Variants in PDCD7 observed in about 807,000 individuals in gnomAD.
PDCD7 encodes programmed cell death protein 7.
A neutral mutation model predicts 42.1 loss-of-function variants in PDCD7; 40 were observed. The observed-to-expected ratio is 0.95, with a 90% CI of 0.74 to 1.24. PDCD7 has a LOEUF of 1.24. Among genes scored for constraint, PDCD7 ranks in the 50% most tolerant of loss-of-function variants. The pLI, the probability that PDCD7 is intolerant of heterozygous loss-of-function variation, is 0.00. For missense variants in PDCD7, 644 were observed against 662.8 expected, an observed-to-expected ratio of 0.97 and a Z score of 0.31; for synonymous variants, 299 against 303.3, an observed-to-expected ratio of 0.99 and a Z score of 0.15.
In PDCD7 at chr15:65,118,750, G is replaced by A. The variant is rs200653717; in HGVS notation, c.1425C>T (p.Asn475=). 58 of 1,609,644 alleles carry A rather than the reference G, an allele frequency of 3.6e-5. No individual in the cohort carries two copies. Among genetic ancestry groups the A allele is most frequent in the Admixed American group, 8.4e-5 (5 of 59,452 alleles). The change falls in exon 5 of 5, where the codon AAC becomes AAT. Residue 475 remains asparagine (N), a synonymous_variant. Transcript: ENST00000204549. ...QGWVLPPLPS[N]DIWATAVKLH is the part of the protein sequence containing the mutation. ...GCTTAACAGCAGTTGCCCAGATGTC[G>A]TTGCTGGGGAGCGGGGGAAGGACCC...
chr15:65,129,131 C>G lies in PDCD7; in HGVS notation c.910G>C (p.Glu304Gln), dbSNP rs769101888. Residue 304 changes from glutamate (E) to glutamine (Q), a missense_variant, in exon 2 of 5, where the codon GAA becomes CAA. Transcript: ENST00000204549. ...GTATCTGCTTGTTTTTTCCTCACTTCAGATAGTACGCCATCAGCGGCTGCT... is the reference window on the plus strand; with the variant it reads ...GTATCTGCTTGTTTTTTCCTCACTTGAGATAGTACGCCATCAGCGGCTGCT... ...LKAAADGVLS[E>Q]VRKKQADTKR... The G allele has an allele frequency of 1.2e-6, 2 of 1,613,890 alleles. No individual in the cohort carries two copies. The highest frequency in any genetic ancestry group is 2.7e-5 in the African/African-American group (2 of 74,932).
In PDCD7 at chr15:65,133,806, A is replaced by C. The variant is rs2087565868; in HGVS notation, c.-25T>G. ...TGTTCACGACGGAGATGCTTTGAGAAGTGACAGGAATCTGAGTGGCTCCTC... is the reference window on the plus strand; with the variant it reads ...TGTTCACGACGGAGATGCTTTGAGACGTGACAGGAATCTGAGTGGCTCCTC... On this transcript the variant is annotated 5_prime_UTR_variant, in exon 1 of 5. Coordinates refer to ENST00000204549, the MANE Select transcript of PDCD7 (RefSeq NM_005707.2). 1.5e-6 allele frequency: 2 copies of C among 1,363,144 alleles called. No homozygotes were observed. Among genetic ancestry groups the C allele is most frequent in the Non-Finnish European group, 1.9e-6 (2 of 1,056,750 alleles). The allele number at this position is 1,363,144 out of a possible 1,614,324, so 84.4% of individuals were successfully genotyped here.
chr15:65,127,400 T>G (rs2087504967), intron 2 of PDCD7, among the ~76,000 whole-genome samples: 1 of 142,872 alleles, frequency 7.0e-6, no homozygotes, highest in African/African-American at 2.6e-5. Flanking sequence ...GAGCTTGCAG[T>G]GAGCCGAGAT....
Position 65,133,776 on chromosome 15 carries a change from G to A in PDCD7, c.6C>T (p.Ala2=). 2.2e-6 allele frequency: 3 copies of A among 1,357,968 alleles called. No homozygotes were observed. The highest frequency in any genetic ancestry group is 1.9e-4 in the Middle Eastern group (1 of 5,200). 84.1% of individuals were successfully genotyped at this position (1,357,968 alleles called of 1,614,324 possible). A position where few individuals can be genotyped will look rare whatever the true frequency, so the allele number is the denominator to read the frequency against. Residue 2 remains alanine (A), a synonymous_variant, in exon 1 of 5, where the codon GCC becomes GCT. Coordinates refer to ENST00000204549, the MANE Select transcript of PDCD7 (RefSeq NM_005707.2). Reference sequence around the variant, plus strand: ...GACCCTGGCCGAAGAATGGTGGCAGGGCCATGTTCACGACGGAGATGCTTT... The same window carrying A: ...GACCCTGGCCGAAGAATGGTGGCAGAGCCATGTTCACGACGGAGATGCTTT... M[A]LPPFFGQGRP... is the part of the protein sequence containing the mutation.
At position 65,132,462 on chromosome 15, in the gene PDCD7, G is replaced by C. The variant is rs188281789; in HGVS notation, c.870+450C>G. Among the ~76,000 whole-genome samples, 583 of 152,188 alleles carry C rather than the reference G, an allele frequency of 3.8e-3. 2 individuals carry two copies. The highest frequency in any genetic ancestry group is 9.9e-3 in the Admixed American group (151 of 15,278). ...AGACGGGGTTTCACCATCTTGGCCA[G>C]GCTGGTCTTGAACTCCTGACCTCGT... On this transcript the variant is annotated intron_variant, in intron 1 of 4. Transcript: ENST00000204549.
Position 65,118,690 on chromosome 15 carries a change from C to A in PDCD7, c.*27G>T. ...TATTTACAGCTGGAAAGAGCGCTGG[C>A]TGGACCACACTCCTGGAGCATCTTT... On this transcript the variant is annotated 3_prime_UTR_variant, in exon 5 of 5. Coordinates refer to ENST00000204549, the MANE Select transcript of PDCD7 (RefSeq NM_005707.2). 6.4e-7 allele frequency: 1 copy of A among 1,573,606 alleles called. No individual in the cohort carries two copies. The highest frequency in any genetic ancestry group is 1.2e-5 in the South Asian group (1 of 84,202).
intron 2 of PDCD7, among the ~76,000 whole-genome samples, chr15:65,121,317 T>G (rs1037580076): frequency 1.3e-5 from 2 of 152,118 alleles, no homozygotes; most frequent in African/African-American, 4.8e-5. Flanking sequence ...CCTCCCAAAG[T>G]GCTGGGATTA....
chr15:65,118,947 A>G, intron 4 of PDCD7, 107 bp from the exon 5 acceptor site: 1 of 710,816 alleles, frequency 1.4e-6, no homozygotes. Flanking sequence ...TGATATACTA[A>G]TCTATTACAG....
chr15:65,120,630 C>A (rs961446264), intron 2 of PDCD7, among the ~76,000 whole-genome samples: 1 of 152,116 alleles, frequency 6.6e-6, no homozygotes, highest in Admixed American at 6.5e-5. Context: ...ATGGCGTGAA[C>A]CTGGGAGGTG....
chr15:65,119,139 GT>G (rs1448431095), intron 4 of PDCD7: 10 of 489,620 alleles, frequency 2.0e-5, no homozygotes, highest in Non-Finnish European at 3.6e-5. Flanking sequence ...CACAACCTGA[GT>G]TTTTTTCTTC....
rs972850839 is a variant in PDCD7 at position 65,133,394 on chromosome 15, CCGG to C, written c.385_387del (p.Pro129del). On this transcript the variant is annotated inframe_deletion, in exon 1 of 5. Coordinates refer to ENST00000204549, the MANE Select transcript of PDCD7 (RefSeq NM_005707.2). Reference sequence around the variant, plus strand: ...AGGGCCGCATCCCCGAGCACGTCGGCCGGCGGCGGCGGCGCCTCAGGCCACCGC... The same window carrying C: ...AGGGCCGCATCCCCGAGCACGTCGGCCGGCGGCGGCGCCTCAGGCCACCGC... 5 of 1,189,786 alleles carry C rather than the reference CCGG, an allele frequency of 4.2e-6. No individual in the cohort carries two copies. Among genetic ancestry groups the C allele is most frequent in the South Asian group, 4.1e-5 (1 of 24,232 alleles). The allele number at this position is 1,189,786 out of a possible 1,614,324, so 73.7% of individuals were successfully genotyped here. A position where few individuals can be genotyped will look rare whatever the true frequency, so the allele number is the denominator to read the frequency against.
rs575721426 is a variant in PDCD7 at position 65,128,371 on chromosome 15, C to G, written c.1009+661G>C. ...AATGGCAAAGATGGGACTGAGGGCC[C>G]TCCAGATGAACAGAATGACAACAGC... On this transcript the variant is annotated intron_variant, in intron 2 of 4. Transcript: ENST00000204549. Among the ~76,000 whole-genome samples the G allele has an allele frequency of 1.2e-4, 18 of 152,294 alleles. No homozygotes were observed. In the East Asian group the frequency reaches 2.9e-3, roughly 24 times the overall value.
rs1007557944 is a variant in PDCD7 at position 65,132,930 on chromosome 15, C to T, written c.852G>A (p.Glu284=). The change falls in exon 1 of 5, where the codon GAG becomes GAA. Residue 284 remains glutamate (E), a synonymous_variant. Coordinates refer to ENST00000204549, the MANE Select transcript of PDCD7 (RefSeq NM_005707.2). Reference sequence around the variant, plus strand: ...CTCTCACCCGCTTCTTCTCCTCCACCTCCTGCACACACTTCACCCTCCAGC... The same window carrying T: ...CTCTCACCCGCTTCTTCTCCTCCACTTCCTGCACACACTTCACCCTCCAGC... ...IDRWRVKCVQ[E]VEEKKREQEL... 2 of 1,605,272 alleles carry T rather than the reference C, an allele frequency of 1.2e-6. No homozygotes were observed. The highest frequency in any genetic ancestry group is 1.6e-4 in the Middle Eastern group (1 of 6,062).
chr15:65,122,775 G>A (rs748665069), intron 2 of PDCD7, among the ~76,000 whole-genome samples: 57 of 152,186 alleles, frequency 3.7e-4, no homozygotes, highest in Non-Finnish European at 5.1e-4. Context: ...AGGCTGAGAC[G>A]GGTGGATCAC....
intron 2 of PDCD7, among the ~76,000 whole-genome samples, chr15:65,125,606 GAAT>G (rs1293728496): frequency 6.6e-6 from 1 of 152,092 alleles, no homozygotes; most frequent in Non-Finnish European, 1.5e-5. Flanking sequence ...ATAATAAAAA[GAAT>G]AATAATATGA....
Position 65,124,876 on chromosome 15 carries a change from C to T in PDCD7, c.1009+4156G>A, listed in dbSNP as rs150130243. Among the ~76,000 whole-genome samples, 468 of 152,274 alleles carry T rather than the reference C, an allele frequency of 3.1e-3. 1 individual carries two copies. The highest frequency in any genetic ancestry group is 5.3e-3 in the Non-Finnish European group (361 of 68,020). On this transcript the variant is annotated intron_variant, in intron 2 of 4. Coordinates refer to ENST00000204549, the MANE Select transcript of PDCD7 (RefSeq NM_005707.2). ...CTGTGCTCACCTGTCAGCTACAGTA[C>T]TACTGGAAGAGGTCATTTGATTGTG...
chr15:65,122,666 T>G (rs972688785), intron 2 of PDCD7, among the ~76,000 whole-genome samples: 2 of 152,200 alleles, frequency 1.3e-5, no homozygotes, highest in East Asian at 3.8e-4. Context: ...TGTGATACAA[T>G]GAATATTCTT....
intron 1 of PDCD7, among the ~76,000 whole-genome samples, chr15:65,130,154 CTTTTT>C (rs886281618): frequency 9.6e-6 from 1 of 103,662 alleles, no homozygotes; most frequent in Non-Finnish European, 2.0e-5. Flanking sequence ...CCCCAACCCT[CTTTTT>C]TTTTTTTTTT....
chr15:65,132,849 C>T, intron 1 of PDCD7, 63 bp downstream of exon 1: 1 of 1,587,232 alleles, frequency 6.3e-7, no homozygotes, highest in East Asian at 2.3e-5. Context: ...AGTTTAAAGC[C>T]TCCTGCTGCT....
Sources: allele counts gnomAD v4.1 joint callset (sites outside exome capture counted in the v4.1 genomes callset), GRCh38; gene constraint gnomAD v4.1.1; transcripts MANE v1.5; gene names NCBI Gene and HGNC (gene_info 2026-07-23, HGNC 2026-07-21).